PLB1: variants seen among roughly 807,000 people sequenced by gnomAD.
The protein encoded by PLB1 is phospholipase B1.
Under a neutral mutation model 227.4 loss-of-function variants are expected in PLB1, and 242 were observed. The ratio of observed to expected loss-of-function variants is 1.06; its 90% CI spans 0.96 to 1.18. The LOEUF (loss-of-function observed/expected upper bound fraction) is 1.18. PLB1 is among the 50% of genes most tolerant of loss of function. The probability of loss-of-function intolerance (pLI) is 0.00; values close to 1 mark genes in which losing one functional copy is unlikely to be tolerated. For missense variants in PLB1, 1,858 were observed against 1,816.3 expected, an observed-to-expected ratio of 1.02 and a Z score of -0.42; for synonymous variants, 757 against 682.2, an observed-to-expected ratio of 1.11 and a Z score of -1.71.
rs201666780 is a variant in PLB1 at position 28,563,108 on chromosome 2, C to A, written c.1206+9C>A. ...TGGGTGACTCTCTCACGGTAAGTGA[C>A]CCTGATGCAGAAGGGGCAGGAGGGG... On this transcript the variant is annotated intron_variant, in intron 18 of 57. Coordinates refer to ENST00000327757, the MANE Select transcript of PLB1 (RefSeq NM_153021.5). The A allele has an allele frequency of 6.2e-7, 1 of 1,610,292 alleles. No individual in the cohort carries two copies. The highest frequency in any genetic ancestry group is 1.7e-5 in the Admixed American group (1 of 59,994).
In PLB1 at chr2:28,539,080, T is replaced by C. The variant is rs1016326963; in HGVS notation, c.619-19T>C. The C allele has an allele frequency of 3.1e-6, 5 of 1,601,648 alleles. No homozygotes were observed. Among genetic ancestry groups the C allele is most frequent in the Non-Finnish European group, 4.3e-6 (5 of 1,168,504 alleles). On this transcript the variant is annotated intron_variant, in intron 10 of 57. Transcript: ENST00000327757. ...GCGACTTGGCAAATACTCACCTCCC[T>C]CTCTGTGTGTCCTCCTAGGTCCCCA... is the stretch of plus-strand genomic sequence containing the variant.
intron 20 of PLB1, among the ~76,000 whole-genome samples, chr2:28,571,076 A>G (rs1340421610): frequency 6.6e-6 from 1 of 152,238 alleles, no homozygotes; most frequent in East Asian, 1.9e-4. Flanking sequence ...GATATTATAT[A>G]GAGACAATCC....
chr2:28,563,021 A>C lies in PLB1; in HGVS notation c.1148-20A>C, dbSNP rs774685068. The C allele has an allele frequency of 6.2e-7, 1 of 1,608,578 alleles. No individual in the cohort carries two copies. The highest frequency in any genetic ancestry group is 8.5e-7 in the Non-Finnish European group (1 of 1,175,360). ...TTCCTGGAAGCCCCATTTTCCACTC[A>C]CTCCTGCTTATATTCTTAGTTCATA... On this transcript the variant is annotated intron_variant, in intron 17 of 57. Coordinates refer to ENST00000327757, the MANE Select transcript of PLB1 (RefSeq NM_153021.5).
At chr2:28,551,647 G>C (rs6547858) in intron 16 of PLB1, among the ~76,000 whole-genome samples, 134,331 of 152,206 alleles carry the variant, frequency 0.88, 59,635 homozygotes, top group East Asian at 0.99. Flanking sequence ...GGGTTCAGAT[G>C]CAGACTCTTT....
chr2:28,600,632 T>C (rs1360200373), intron 35 of PLB1, among the ~76,000 whole-genome samples, 177 bp from the exon 36 acceptor site: 1 of 152,192 alleles, frequency 6.6e-6, no homozygotes, highest in Non-Finnish European at 1.5e-5. Context: ...TTTCAAATGA[T>C]TATCTGTTGT....
chr2:28,524,122 G>T (rs1669907035), intron 4 of PLB1, among the ~76,000 whole-genome samples: 1 of 152,192 alleles, frequency 6.6e-6, no homozygotes, highest in African/African-American at 2.4e-5. Flanking sequence ...GCTCATTGTG[G>T]CTGGGTGGTC....
intron 56 of PLB1, among the ~76,000 whole-genome samples, chr2:28,636,039 GTGTATGTATGTGTATGTGTGTA>G (rs1326042678): frequency 1.1e-5 from 1 of 91,276 alleles, no homozygotes; most frequent in Non-Finnish European, 2.8e-5. Flanking sequence ...ATGTGTGTGT[GTGTATGTATGTGTATGTGTGTA>G]TGTATGTATG....
At chr2:28,579,025 A>G (rs1573117609) in intron 22 of PLB1, among the ~76,000 whole-genome samples, 1 of 152,170 alleles carries the variant, frequency 6.6e-6, no homozygotes, top group South Asian at 2.1e-4. Flanking sequence ...GTGACTTCAT[A>G]TGCTTTTCCA....
At chr2:28,571,380 A>G (rs1677988279) in intron 20 of PLB1, among the ~76,000 whole-genome samples, 1 of 152,210 alleles carries the variant, frequency 6.6e-6, no homozygotes. Context: ...TACTCCCCAC[A>G]TCAATCTACG....
chr2:28,631,462 A>G (rs1420906263), intron 54 of PLB1, among the ~76,000 whole-genome samples: 1 of 152,192 alleles, frequency 6.6e-6, no homozygotes, highest in Non-Finnish European at 1.5e-5. Flanking sequence ...AAGGGTTCTC[A>G]TGTTTTCACA....
rs373196757 is a variant in PLB1, at chr2:28,551,396, G to A, written c.1083+1312G>A. Among the ~76,000 whole-genome samples the A allele has an allele frequency of 3.3e-5, 5 of 152,372 alleles. No homozygotes were observed. The East Asian group carries it at 7.7e-4, about 23-fold the overall frequency. ...AAGGGTTGATGTCTTCTTTCCCAGA[G>A]AAGGGGGGACTGAGGTGAGCTGAGA... On this transcript the variant is annotated intron_variant, in intron 16 of 57. Transcript: ENST00000327757.
intron 43 of PLB1, among the ~76,000 whole-genome samples, chr2:28,609,363 T>C (rs1356236288): frequency 6.6e-6 from 1 of 152,086 alleles, no homozygotes; most frequent in African/African-American, 2.4e-5. Flanking sequence ...CAATCCTCTA[T>C]TTCTGACCTT....
chr2:28,607,271 G>A (rs2148308510), intron 43 of PLB1, among the ~76,000 whole-genome samples: 2 of 152,278 alleles, frequency 1.3e-5, no homozygotes, highest in African/African-American at 4.8e-5. Flanking sequence ...AAAAGCAGAA[G>A]GCCTGACCCA....
intron 5 of PLB1, 146 bp from the exon 6 acceptor site, chr2:28,525,759 T>C: frequency 1.1e-6 from 1 of 949,440 alleles, no homozygotes; most frequent in Non-Finnish European, 1.6e-6. Context: ...ACTTGAGGTG[T>C]GCCTATAACC....
intron 26 of PLB1, among the ~76,000 whole-genome samples, chr2:28,588,243 A>G (rs936452572): frequency 6.6e-6 from 1 of 152,208 alleles, no homozygotes; most frequent in African/African-American, 2.4e-5. Context: ...CCATCTGGCT[A>G]TCCCCCGAGT....
At chr2:28,591,885 C>T in intron 31 of PLB1, 125 bp downstream of exon 31, 2 of 973,362 alleles carry the variant, frequency 2.1e-6, no homozygotes, top group Non-Finnish European at 3.1e-6. Context: ...TGCTGTCTGC[C>T]TGGGTGGTCA....
In PLB1 at chr2:28,619,519, G is replaced by GT. The variant is rs776491318; in HGVS notation, c.3316-742dup. 7.3e-4 allele frequency among the ~76,000 whole-genome samples: 91 copies of GT among 124,650 alleles called. 1 individual carries two copies. The highest frequency in any genetic ancestry group is 2.4e-3 in the South Asian group (10 of 4,154). 81.8% of individuals were successfully genotyped at this position (124,650 alleles called of 152,430 possible). On this transcript the variant is annotated intron_variant, in intron 46 of 57. Transcript: ENST00000327757. The stretch of plus-strand genomic sequence containing the variant: ...ATCTGTTACTTTTGTAAATTTCAAG[G>GT]TTTTGTTTTTTTTTTTTTTTTTAAG...
chr2:28,541,121 G>A (rs966908337), intron 12 of PLB1, among the ~76,000 whole-genome samples: 30 of 152,136 alleles, frequency 2.0e-4, no homozygotes, highest in Non-Finnish European at 3.5e-4. Flanking sequence ...GCAGTGAGCC[G>A]AGATCGCACC....
chr2:28,591,916 C>T (rs1042455975), intron 31 of PLB1, among the ~76,000 whole-genome samples, 156 bp downstream of exon 31: 2 of 152,176 alleles, frequency 1.3e-5, no homozygotes, highest in Admixed American at 6.5e-5. Context: ...GTCCCTGTTT[C>T]GCACCACTCT....
Sources: allele counts gnomAD v4.1 joint callset (sites outside exome capture counted in the v4.1 genomes callset), GRCh38; gene constraint gnomAD v4.1.1; transcripts MANE v1.5; gene names NCBI Gene and HGNC (gene_info 2026-07-23, HGNC 2026-07-21).